Variants in PRKN observed in about 807,000 individuals in gnomAD.
The protein encoded by PRKN is parkin RBR E3 ubiquitin protein ligase.
Under a neutral mutation model 59.5 loss-of-function variants are expected in PRKN, and 56 were observed. That is an observed-to-expected ratio of 0.94 (90% confidence interval 0.76 to 1.18). The LOEUF (loss-of-function observed/expected upper bound fraction) is 1.18, where lower values mean the gene tolerates loss of function less well. Ranked by LOEUF, PRKN falls within the 50% of genes most tolerant of loss-of-function variation. The pLI is 0.00. For synonymous variants in PRKN, 250 were observed against 222.1 expected (o/e 1.13, Z -1.12); for missense variants, 657 against 596.4 (o/e 1.10, Z -1.06).
At chr6:162,259,041 T>C (rs1313132825) in intron 3 of PRKN, among the ~76,000 whole-genome samples, 1 of 152,214 alleles carries the variant, frequency 6.6e-6, no homozygotes, top group Non-Finnish European at 1.5e-5. Flanking sequence ...AGCACTTATA[T>C]TCTTCGAAGT....
intron 1 of PRKN, among the ~76,000 whole-genome samples, chr6:162,662,795 T>C (rs1178280082): frequency 6.6e-6 from 1 of 152,226 alleles, no homozygotes; most frequent in Non-Finnish European, 1.5e-5. Flanking sequence ...TGTATTTTTA[T>C]ACCAGTATGA....
At chr6:162,245,522 A>G (rs945195582) in intron 3 of PRKN, among the ~76,000 whole-genome samples, 34 of 151,808 alleles carry the variant, frequency 2.2e-4, no homozygotes, top group African/African-American at 8.2e-4. Flanking sequence ...ATATAATATA[A>G]AATAGCAAAA....
At chr6:161,609,831 A>G (rs1782422780) in intron 7 of PRKN, among the ~76,000 whole-genome samples, 1 of 152,220 alleles carries the variant, frequency 6.6e-6, no homozygotes, top group Admixed American at 6.5e-5. Flanking sequence ...AGAGTTCTCC[A>G]GTCACCAAGA....
At chr6:162,481,332 T>C (rs774728191) in intron 1 of PRKN, among the ~76,000 whole-genome samples, 3 of 152,152 alleles carry the variant, frequency 2.0e-5, no homozygotes, top group Non-Finnish European at 4.4e-5. Flanking sequence ...TAAACTTAAG[T>C]CTCTTCAAAA....
intron 5 of PRKN, among the ~76,000 whole-genome samples, chr6:162,016,883 G>C (rs1782953318): frequency 6.6e-6 from 1 of 151,974 alleles, no homozygotes; most frequent in African/African-American, 2.4e-5. Flanking sequence ...GTAACAAGAG[G>C]GGATGGGCAG....
intron 10 of PRKN, among the ~76,000 whole-genome samples, chr6:161,380,752 A>T (rs907062061): frequency 1.3e-5 from 2 of 152,176 alleles, no homozygotes; most frequent in Admixed American, 6.5e-5. Flanking sequence ...TTTAAGATTT[A>T]AAAAAATGTT....
intron 1 of PRKN, among the ~76,000 whole-genome samples, chr6:162,515,168 C>T (rs1583704032): frequency 6.6e-6 from 1 of 151,848 alleles, no homozygotes; most frequent in East Asian, 1.9e-4. Context: ...CTGCAACCTC[C>T]ACCTCCCAGG....
intron 1 of PRKN, among the ~76,000 whole-genome samples, chr6:162,469,349 C>CGGGGGGTGGGGGG (rs1562787728): frequency 1.7e-5 from 1 of 57,790 alleles, no homozygotes; most frequent in Non-Finnish European, 3.3e-5. Flanking sequence ...GGGGGGGTTG[C>CGGGGGGTGGGGGG]AGGGGGGGGT....
intron 2 of PRKN, among the ~76,000 whole-genome samples, chr6:162,360,087 G>T (rs1785068566): frequency 6.6e-6 from 1 of 152,020 alleles, no homozygotes; most frequent in African/African-American, 2.4e-5. Flanking sequence ...ATATGTGTGT[G>T]TGTGTGGGTG....
chr6:162,168,064 A>G (rs972331788), intron 4 of PRKN, among the ~76,000 whole-genome samples: 3 of 152,176 alleles, frequency 2.0e-5, no homozygotes, highest in Non-Finnish European at 4.4e-5. Context: ...GGTTAGGGGC[A>G]ATCTGCTCTT....
chr6:161,485,952 G>A (rs1343891934), intron 9 of PRKN, among the ~76,000 whole-genome samples: 1 of 151,940 alleles, frequency 6.6e-6, no homozygotes, highest in Non-Finnish European at 1.5e-5. Context: ...GATTCTATTA[G>A]GCTTTAAGAC....
In PRKN at chr6:162,298,259, G is replaced by A. The variant is rs187315544; in HGVS notation, c.172-35494C>T. ...TGCTTGAAATCTCTGGTTCCGGTGG[G>A]GACTGCAACCCTCTAGGATTTACCA... On this transcript the variant is annotated intron_variant, in intron 2 of 11. Coordinates refer to ENST00000366898, the MANE Select transcript of PRKN (RefSeq NM_004562.3). Among the ~76,000 whole-genome samples the A allele has an allele frequency of 1.3e-3, 191 of 151,974 alleles. 1 individual carries two copies. Among genetic ancestry groups the A allele is most frequent in the African/African-American group, 4.6e-3 (190 of 41,450 alleles).
At chr6:162,453,344 C>T (rs1275319998) in intron 1 of PRKN, among the ~76,000 whole-genome samples, 2 of 152,178 alleles carry the variant, frequency 1.3e-5, no homozygotes, top group African/African-American at 4.8e-5. Flanking sequence ...TCTCTCTCCC[C>T]AACATACTCT....
rs1789165646 is a variant in PRKN, at chr6:161,440,656, C to T, written c.1084-53779G>A. On this transcript the variant is annotated intron_variant, in intron 9 of 11. Coordinates refer to ENST00000366898, the MANE Select transcript of PRKN (RefSeq NM_004562.3). This position sits in a 1 kb window ranked among gnomAD's most constrained non-coding sequence, Gnocchi z 4.1. ...GTGAAGAGGTGAGGCAGTAAAAATT[C>T]ATAACATATCTATCACAAATGCATT... 6.6e-6 allele frequency among the ~76,000 whole-genome samples: 1 copy of T among 152,172 alleles called. No homozygotes were observed. Among genetic ancestry groups the T allele is most frequent in the Non-Finnish European group, 1.5e-5 (1 of 68,026 alleles).
intron 1 of PRKN, among the ~76,000 whole-genome samples, chr6:162,672,000 G>A (rs1779341801): frequency 6.6e-6 from 1 of 151,940 alleles, no homozygotes; most frequent in South Asian, 2.1e-4. Flanking sequence ...CAGAGCAGTG[G>A]TGCCCATGAA....
rs1777752086 is a variant in PRKN at position 162,514,271 on chromosome 6, A to C, written c.8-70798T>G. On this transcript the variant is annotated intron_variant, in intron 1 of 11. Transcript: ENST00000366898. Reference sequence around the variant, plus strand: ...TTTACCTTCCATCTTGTTGAAATTGACTTTTTTTTTTTCTGAAAAAGTAAA... The same window carrying C: ...TTTACCTTCCATCTTGTTGAAATTGCCTTTTTTTTTTTCTGAAAAAGTAAA... Among the ~76,000 whole-genome samples the C allele has an allele frequency of 2.2e-5, 3 of 135,564 alleles. No homozygotes were observed. In the Admixed American group the frequency reaches 2.2e-4, roughly 10 times the overall value. 88.9% of individuals were successfully genotyped at this position (135,564 alleles called of 152,430 possible). A position where few individuals can be genotyped will look rare whatever the true frequency, so the allele number is the denominator to read the frequency against.
chr6:161,640,252 A>G (rs887094309), intron 7 of PRKN, among the ~76,000 whole-genome samples: 4 of 152,212 alleles, frequency 2.6e-5, no homozygotes, highest in African/African-American at 9.7e-5. Flanking sequence ...TAAAATCAGC[A>G]AGACTTGTTT....
chr6:161,854,464 C>T (rs1562338891), intron 6 of PRKN, among the ~76,000 whole-genome samples: 2 of 152,046 alleles, frequency 1.3e-5, no homozygotes, highest in Non-Finnish European at 2.9e-5. Context: ...GTCTATTCAA[C>T]CCACAATCAT....
intron 5 of PRKN, among the ~76,000 whole-genome samples, chr6:161,979,043 C>A (rs1781161262): frequency 6.6e-6 from 1 of 152,100 alleles, no homozygotes; most frequent in South Asian, 2.1e-4. Flanking sequence ...CCCCACCTAA[C>A]CAGGAGCTAT....
Sources: allele counts gnomAD v4.1 joint callset (sites outside exome capture counted in the v4.1 genomes callset), GRCh38; gene constraint gnomAD v4.1.1; non-coding constraint Gnocchi (gnomAD v3.1); transcripts MANE v1.5; gene names NCBI Gene and HGNC (gene_info 2026-07-23, HGNC 2026-07-21).